PRLR: variants seen among roughly 807,000 people sequenced by gnomAD.
The protein encoded by PRLR is prolactin receptor.
In PRLR, 13 loss-of-function variants were observed where a neutral mutation model predicts 40.2. The ratio of observed to expected loss-of-function variants is 0.32; its 90% CI spans 0.21 to 0.51. The LOEUF (loss-of-function observed/expected upper bound fraction) is 0.51, where lower values mean the gene tolerates loss of function less well. PRLR is among the 20% of genes least tolerant of loss of function. PRLR has a pLI of 0.97. For missense variants in PRLR, 656 were observed against 747.3 expected, an observed-to-expected ratio of 0.88 and a Z score of 1.42; for synonymous variants, 269 against 278.7, an observed-to-expected ratio of 0.97 and a Z score of 0.35.
intron 1 of PRLR, among the ~76,000 whole-genome samples, chr5:35,174,391 CT>C (rs1775088473): frequency 6.6e-6 from 1 of 152,186 alleles, no homozygotes; most frequent in Admixed American, 6.5e-5. Flanking sequence ...TGTCTGGACA[CT>C]TTGGGTTTTT....
chr5:35,194,924 A>G (rs1775695565), intron 1 of PRLR, among the ~76,000 whole-genome samples: 1 of 152,230 alleles, frequency 6.6e-6, no homozygotes, highest in South Asian at 2.1e-4. Flanking sequence ...TAATAATGAT[A>G]TATCAACATC....
chr5:35,166,583 A>C (rs1206728815), intron 1 of PRLR, among the ~76,000 whole-genome samples: 3 of 152,174 alleles, frequency 2.0e-5, no homozygotes, highest in African/African-American at 7.2e-5. Context: ...AATATCTTGG[A>C]ATACATTATT....
chr5:35,140,406 T>C (rs1217667201), intron 1 of PRLR, among the ~76,000 whole-genome samples: 1 of 152,240 alleles, frequency 6.6e-6, no homozygotes, highest in Non-Finnish European at 1.5e-5. Context: ...TAATCAATTG[T>C]GGAATTTGGG....
intron 2 of PRLR, among the ~76,000 whole-genome samples, chr5:35,091,033 C>T (rs558687783): frequency 9.2e-5 from 14 of 151,758 alleles, no homozygotes; most frequent in African/African-American, 2.4e-4. Flanking sequence ...AGGATGGTCT[C>T]GCTCTCCTGA....
chr5:35,146,526 G>A lies in PRLR; in HGVS notation c.-105-28404C>T, dbSNP rs573936147. ...GTGGCTGCCTTACTTCCTAACCGAGGGCTGGGGAGGACCTCCATGTCTCAT... is the reference window on the plus strand; with the variant it reads ...GTGGCTGCCTTACTTCCTAACCGAGAGCTGGGGAGGACCTCCATGTCTCAT... On this transcript the variant is annotated intron_variant, in intron 1 of 9. Transcript: ENST00000618457. Among the ~76,000 whole-genome samples, 10 of 152,268 alleles carry A rather than the reference G, an allele frequency of 6.6e-5. No homozygotes were observed. In the South Asian group the frequency reaches 2.1e-3, roughly 32 times the overall value.
intron 9 of PRLR, 80 bp downstream of exon 9, chr5:35,068,136 C>T (rs79469561): frequency 0.043 from 56,064 of 1,306,390 alleles, 1,506 homozygotes; most frequent in Middle Eastern, 0.084. Flanking sequence ...GCTGAACTGA[C>T]GGGGACTGTG....
chr5:35,150,290 C>A (rs992078385), intron 1 of PRLR, among the ~76,000 whole-genome samples: 3 of 152,196 alleles, frequency 2.0e-5, no homozygotes, highest in African/African-American at 7.2e-5. Context: ...GGTTTTCCAT[C>A]AGAAACACAT....
intron 1 of PRLR, among the ~76,000 whole-genome samples, chr5:35,200,368 A>G (rs1026277423): frequency 1.3e-5 from 2 of 152,196 alleles, no homozygotes; most frequent in Non-Finnish European, 2.9e-5. Flanking sequence ...AGGATGAGAG[A>G]AAGTTGCTAG....
chr5:35,176,079 A>G (rs1775139515), intron 1 of PRLR, among the ~76,000 whole-genome samples: 1 of 152,202 alleles, frequency 6.6e-6, no homozygotes, highest in Admixed American at 6.6e-5. Flanking sequence ...ATGCACATGC[A>G]GCCCCCATGT....
chr5:35,110,911 G>A (rs1772620311), intron 2 of PRLR, among the ~76,000 whole-genome samples: 3 of 152,158 alleles, frequency 2.0e-5, no homozygotes, highest in Admixed American at 2.0e-4. Flanking sequence ...CTCCAAAGCT[G>A]GATCATGCCC....
At chr5:35,069,974 A>G in intron 7 of PRLR, 150 bp downstream of exon 7, 2 of 910,306 alleles carry the variant, frequency 2.2e-6, no homozygotes, top group Non-Finnish European at 3.2e-6. Context: ...GCTTTTCAAA[A>G]TGTCTTCGTA....
intron 1 of PRLR, among the ~76,000 whole-genome samples, chr5:35,203,407 G>C (rs1775931327): frequency 6.6e-6 from 1 of 152,150 alleles, no homozygotes; most frequent in Admixed American, 6.5e-5. Context: ...AGACCAACTG[G>C]ATGGAAGAAA....
intron 1 of PRLR, among the ~76,000 whole-genome samples, chr5:35,175,229 G>C (rs1775113016): frequency 6.6e-6 from 1 of 152,124 alleles, no homozygotes; most frequent in African/African-American, 2.4e-5. Context: ...TATTTCCCAT[G>C]CTGTTCTCAT....
chr5:35,087,488 C>T (rs1349183414), intron 3 of PRLR, among the ~76,000 whole-genome samples: 5 of 147,922 alleles, frequency 3.4e-5, no homozygotes, highest in South Asian at 2.2e-4. Context: ...CCTTTGGATA[C>T]GTAGGGCTTC....
chr5:35,095,924 T>C (rs1356755902), intron 2 of PRLR, among the ~76,000 whole-genome samples: 1 of 152,190 alleles, frequency 6.6e-6, no homozygotes, highest in Non-Finnish European at 1.5e-5. Context: ...TTCCAGATAT[T>C]CCCCTGCCCC....
In PRLR at chr5:35,057,908, C is replaced by G. The variant is rs1339592921; in HGVS notation, c.*7181G>C. On this transcript the variant is annotated 3_prime_UTR_variant, in exon 10 of 10. Coordinates refer to ENST00000618457, the MANE Select transcript of PRLR (RefSeq NM_000949.7). ...AAAAGGGTTATTTCTAGGGGGGTTA[C>G]AGAAGTCAATTTGTAAGAGATATCA... 6.6e-6 allele frequency: 1 copy of G among 152,030 alleles called. No homozygotes were observed. Among genetic ancestry groups the G allele is most frequent in the Non-Finnish European group, 1.5e-5 (1 of 68,012 alleles). 9.4% of individuals were successfully genotyped at this position (152,030 alleles called of 1,614,324 possible).
intron 1 of PRLR, among the ~76,000 whole-genome samples, chr5:35,131,791 C>G (rs1773690833): frequency 6.6e-6 from 1 of 152,146 alleles, no homozygotes; most frequent in African/African-American, 2.4e-5. Flanking sequence ...TACAAGCATC[C>G]CTGACCCCTC....
At chr5:35,230,075 C>A (rs920921927) in intron 1 of PRLR, among the ~76,000 whole-genome samples, 193 bp downstream of exon 1, 3 of 151,768 alleles carry the variant, frequency 2.0e-5, no homozygotes, top group South Asian at 2.1e-4. Context: ...GGGCGGGAGG[C>A]GGGCGGATCC....
chr5:35,080,278 A>G (rs1272775824), intron 5 of PRLR, among the ~76,000 whole-genome samples: 1 of 152,176 alleles, frequency 6.6e-6, no homozygotes, highest in African/African-American at 2.4e-5. Context: ...GAAAATTTTT[A>G]CAATCTACCC....
Sources: allele counts gnomAD v4.1 joint callset (sites outside exome capture counted in the v4.1 genomes callset), GRCh38; gene constraint gnomAD v4.1.1; transcripts MANE v1.5; gene names NCBI Gene and HGNC (gene_info 2026-07-23, HGNC 2026-07-21).